KIAA1671: variants seen among roughly 807,000 people sequenced by gnomAD.
The protein encoded by KIAA1671 is KIAA1671, also known as uncharacterized protein KIAA1671.
KIAA1671 carries 52 observed loss-of-function variants against 131.2 expected under a neutral mutation model. The ratio of observed to expected loss-of-function variants is 0.40; its 90% CI spans 0.32 to 0.50. The LOEUF (loss-of-function observed/expected upper bound fraction) is 0.50, where lower values mean the gene tolerates loss of function less well. KIAA1671 is among the 20% of genes least tolerant of loss of function. The pLI, the probability that KIAA1671 is intolerant of heterozygous loss-of-function variation, is 0.73. For synonymous variants in KIAA1671, 1,003 were observed against 961.6 expected (o/e 1.04, Z -0.80); for missense variants, 2,360 against 2,364.2 (o/e 1.00, Z 0.04).
intron 2 of KIAA1671, among the ~76,000 whole-genome samples, chr22:25,026,559 C>A (rs1427262874): frequency 1.3e-5 from 2 of 152,058 alleles, no homozygotes; most frequent in Non-Finnish European, 2.9e-5. Flanking sequence ...GGAGAAACCC[C>A]ACCTCTACTA....
intron 6 of KIAA1671, among the ~76,000 whole-genome samples, chr22:25,105,554 G>C (rs1323534923): frequency 7.2e-5 from 11 of 152,186 alleles, no homozygotes; most frequent in Non-Finnish European, 2.9e-5. Flanking sequence ...CCTCTGGGGG[G>C]GAAAATGCTT....
chr22:25,188,447 GGTGTGTGT>G (rs59590267), intron 11 of KIAA1671, among the ~76,000 whole-genome samples: 9,966 of 137,920 alleles, frequency 0.072, 1,048 homozygotes, highest in African/African-American at 0.24. Context: ...GAGCCAATCG[GGTGTGTGT>G]GTGTGTGTGT....
intron 6 of KIAA1671, chr22:25,049,595 C>A: frequency 2.1e-6 from 1 of 485,970 alleles, no homozygotes; most frequent in Non-Finnish European, 3.7e-6. Flanking sequence ...AGTTTCCAGC[C>A]CAGCACTGCC....
Position 25,178,473 on chromosome 22 carries a change from G to C in KIAA1671, c.5074+951G>C, listed in dbSNP as rs149747033. ...GGGGCCAGCACTCCAAAGGGCTCTAGGGTGGGTCTTTCAAGGACATCTGCA... is the reference window on the plus strand; with the variant it reads ...GGGGCCAGCACTCCAAAGGGCTCTACGGTGGGTCTTTCAAGGACATCTGCA... On this transcript the variant is annotated intron_variant, in intron 9 of 12. Transcript: ENST00000358431. Among the ~76,000 whole-genome samples the C allele has an allele frequency of 6.5e-3, 987 of 152,368 alleles. 1 individual carries two copies. The highest frequency in any genetic ancestry group is 0.029 in the South Asian group (141 of 4,824).
At chr22:25,031,064 T>A (rs931726564) in intron 3 of KIAA1671, among the ~76,000 whole-genome samples, 9 of 152,172 alleles carry the variant, frequency 5.9e-5, no homozygotes, top group African/African-American at 2.2e-4. Flanking sequence ...TTTATTTTTG[T>A]GACCCAGGCT....
At chr22:25,112,553 CG>C (rs1568962669) in intron 6 of KIAA1671, 1 of 396,414 alleles carries the variant, frequency 2.5e-6, no homozygotes, top group African/African-American at 2.1e-5. Flanking sequence ...GACATCAAAC[CG>C]GGGAAGTTAC....
At chr22:25,139,585 T>A (rs534219432) in intron 6 of KIAA1671, among the ~76,000 whole-genome samples, 194 of 152,344 alleles carry the variant, frequency 1.3e-3, no homozygotes, top group Non-Finnish European at 2.1e-3. Flanking sequence ...TGGGGATTTA[T>A]CAGAGAACAG....
At chr22:25,096,241 G>A (rs959607705) in intron 6 of KIAA1671, among the ~76,000 whole-genome samples, 19 of 152,336 alleles carry the variant, frequency 1.2e-4, no homozygotes, top group African/African-American at 4.3e-4. Context: ...GCTTGTGGCT[G>A]TTTGGCACAG....
At chr22:25,062,848 AGTTGTGT>A (rs1360724166) in intron 6 of KIAA1671, 2 of 30,784 alleles carry the variant, frequency 6.5e-5, no homozygotes, top group Non-Finnish European at 1.2e-4. Flanking sequence ...GCCACTCCCT[AGTTGTGT>A]GTTTTCAGTG....
At chr22:25,080,274 G>A (rs994090218) in intron 6 of KIAA1671, among the ~76,000 whole-genome samples, 6 of 152,144 alleles carry the variant, frequency 3.9e-5, no homozygotes, top group Non-Finnish European at 5.9e-5. Flanking sequence ...GGTCTTTCAT[G>A]CCCTGCCCAT....
At chr22:25,124,023 C>G (rs1268761456) in intron 6 of KIAA1671, among the ~76,000 whole-genome samples, 1 of 152,078 alleles carries the variant, frequency 6.6e-6, no homozygotes, top group Non-Finnish European at 1.5e-5. Context: ...TGTTGGTATT[C>G]CCAGTGGATA....
chr22:25,141,448 G>A, intron 6 of KIAA1671, among the ~76,000 whole-genome samples: 1 of 152,066 alleles, frequency 6.6e-6, no homozygotes. Flanking sequence ...TAGCCAGGAT[G>A]GTCTCAATCT....
At chr22:24,973,043 GCCCC>G in intron 1 of KIAA1671, among the ~76,000 whole-genome samples, 1 of 152,148 alleles carries the variant, frequency 6.6e-6, no homozygotes, top group Non-Finnish European at 1.5e-5. Context: ...AAGTGCAAAG[GCCCC>G]CAGGCAGGAG....
intron 6 of KIAA1671, among the ~76,000 whole-genome samples, chr22:25,134,046 C>G (rs1932568837): frequency 6.6e-6 from 1 of 152,206 alleles, no homozygotes; most frequent in African/African-American, 2.4e-5. Flanking sequence ...AAAGAAACAA[C>G]TTGGCCAAGG....
chr22:25,156,553 G>T (rs564642706), intron 6 of KIAA1671, among the ~76,000 whole-genome samples: 36 of 148,686 alleles, frequency 2.4e-4, no homozygotes, highest in African/African-American at 8.4e-4. Flanking sequence ...ATGTGTTTTT[G>T]TGTCTTTGCA....
At chr22:25,032,873 G>T (rs1926369518) in intron 4 of KIAA1671, among the ~76,000 whole-genome samples, 177 bp downstream of exon 4, 1 of 152,156 alleles carries the variant, frequency 6.6e-6, no homozygotes, top group African/African-American at 2.4e-5. Context: ...ATGAAGAGTT[G>T]TGATTCCCTA....
intron 6 of KIAA1671, among the ~76,000 whole-genome samples, chr22:25,163,294 A>G (rs1011538669): frequency 7.9e-6 from 1 of 125,964 alleles, no homozygotes; most frequent in East Asian, 2.6e-4. Flanking sequence ...GTGTCACTGC[A>G]CTCCAGCCTG....
rs1235028064 is a variant in KIAA1671 at position 25,041,228 on chromosome 22, G to A, written c.4098G>A (p.Ser1366=). Residue 1366 remains serine (S), a synonymous_variant, in exon 5 of 13, where the codon TCG becomes TCA. Transcript: ENST00000358431. Reference sequence around the variant, plus strand: ...GTGGGGTCAGGGTGTCACCCAAATCGCCCCCCACTGACCAGAAGAAAGGGA... The same window carrying A: ...GTGGGGTCAGGGTGTCACCCAAATCACCCCCCACTGACCAGAAGAAAGGGA... ...PGSGVRVSPK[S]PPTDQKKGTP... is the part of the protein sequence containing the mutation. The A allele has an allele frequency of 1.5e-5, 23 of 1,551,566 alleles. No individual in the cohort carries two copies. In the East Asian group the frequency reaches 1.7e-4, roughly 12 times the overall value.
At position 25,029,490 on chromosome 22, in the gene KIAA1671, C is replaced by T; in HGVS notation, c.1491C>T (p.Val497=). ...TAESSEAKPE[V]RRRTFQARPL... is the part of the protein sequence containing the mutation. ...AGAGCTCAGAGGCTAAGCCCGAGGT[C>T]AGGAGGAGGACGTTCCAGGCTCGGC... is the stretch of plus-strand genomic sequence containing the variant. Residue 497 remains valine, a synonymous_variant, in exon 3 of 13, where the codon GTC becomes GTT. Transcript: ENST00000358431. 1.3e-6 allele frequency: 2 copies of T among 1,550,848 alleles called. No individual in the cohort carries two copies. The highest frequency in any genetic ancestry group is 1.2e-5 in the South Asian group (1 of 84,016).
Sources: gnomAD v4.1 joint callset for allele counts (sites outside exome capture counted in the v4.1 genomes callset) on GRCh38, gnomAD v4.1.1 for gene constraint, MANE v1.5 for transcripts, NCBI Gene and HGNC (gene_info 2026-07-23, HGNC 2026-07-21) for gene names.